Variants in CSDE1 observed in about 807,000 individuals in gnomAD.
CSDE1 encodes the protein cold shock domain-containing protein E1.
Under a neutral mutation model 89.3 loss-of-function variants are expected in CSDE1, and 17 were observed. The observed-to-expected ratio is 0.19, with a 90% CI of 0.13 to 0.29. The LOEUF (loss-of-function observed/expected upper bound fraction) is 0.29, where lower values mean the gene tolerates loss of function less well. Ranked by LOEUF, CSDE1 falls within the 10% of genes least tolerant of loss-of-function variation. CSDE1 has a pLI of 1.00. For missense variants in CSDE1, 672 were observed against 984.2 expected (o/e 0.68, Z 4.24); for synonymous variants, 322 against 332.8 (o/e 0.97, Z 0.35).
intron 5 of CSDE1, among the ~76,000 whole-genome samples, chr1:114,737,198 T>C (rs1660451496): frequency 6.6e-6 from 1 of 150,932 alleles, no homozygotes; most frequent in African/African-American, 2.4e-5. Flanking sequence ...CAGAAAAAGA[T>C]CCCCCCCACA....
At chr1:114,733,545 A>AC (rs1452430787) in intron 9 of CSDE1, among the ~76,000 whole-genome samples, 187 bp downstream of exon 9, 1 of 151,892 alleles carries the variant, frequency 6.6e-6, no homozygotes, top group Non-Finnish European at 1.5e-5. Flanking sequence ...AAAAAAAAAA[A>AC]AAAACACCAT....
intron 16 of CSDE1, among the ~76,000 whole-genome samples, chr1:114,721,904 A>T (rs1307071171): frequency 7.5e-6 from 1 of 133,682 alleles, no homozygotes; most frequent in Non-Finnish European, 1.6e-5. Flanking sequence ...TTTTTTTGAG[A>T]CGGAGTCATG....
intron 4 of CSDE1, 36 bp downstream of exon 4, chr1:114,737,927 G>A: frequency 2.2e-6 from 3 of 1,341,570 alleles, no homozygotes; most frequent in Non-Finnish European, 3.2e-6. Flanking sequence ...GCAAATGCAG[G>A]GCCCTAAAAA....
intron 2 of CSDE1, chr1:114,746,978 T>C (rs956047041): frequency 6.6e-6 from 1 of 152,226 alleles, no homozygotes; most frequent in South Asian, 2.1e-4. Context: ...CTCACTCATC[T>C]GGGGCCTCAG....
intron 12 of CSDE1, 53 bp from the exon 13 acceptor site, chr1:114,727,143 A>G: frequency 7.9e-7 from 1 of 1,262,954 alleles, no homozygotes; most frequent in Non-Finnish European, 1.2e-6. Flanking sequence ...AACAAAAACC[A>G]ATAAAAACAA....
chr1:114,717,392 GCATT>G lies in CSDE1; in HGVS notation c.*773_*776del, dbSNP rs1659243303. The G allele has an allele frequency of 6.6e-6, 1 of 151,710 alleles. No individual in the cohort carries two copies. Among genetic ancestry groups the G allele is most frequent in the African/African-American group, 2.4e-5 (1 of 40,986 alleles). 9.4% of individuals were successfully genotyped at this position (151,710 alleles called of 1,614,324 possible). ...GTGATCTAAGCAGCAGCAAGTTTGT[GCATT>G]CATTTTTTTTGTTTTTGTTTAAATA... On this transcript the variant is annotated 3_prime_UTR_variant, in exon 20 of 20. Coordinates refer to ENST00000358528, the MANE Select transcript of CSDE1 (RefSeq NM_001007553.3).
At chr1:114,727,303 A>C (rs1459042177) in intron 12 of CSDE1, among the ~76,000 whole-genome samples, 1 of 152,188 alleles carries the variant, frequency 6.6e-6, no homozygotes, top group South Asian at 2.1e-4. Flanking sequence ...TTGGTCTTTC[A>C]ATCTTAAGAA....
Position 114,734,427 on chromosome 1 carries a change from A to G in CSDE1, c.582+15T>C. On this transcript the variant is annotated intron_variant, in intron 7 of 19. Coordinates refer to ENST00000358528, the MANE Select transcript of CSDE1 (RefSeq NM_001007553.3). ...TGGCCAAAGAAAACTCAAGTTTCTC[A>G]AATTTAACACTTACCTTCATGGCAC... 5.0e-6 allele frequency: 8 copies of G among 1,606,882 alleles called. No individual in the cohort carries two copies. The highest frequency in any genetic ancestry group is 6.8e-6 in the Non-Finnish European group (8 of 1,177,326).
chr1:114,731,551 T>C (rs750869476), intron 10 of CSDE1, among the ~76,000 whole-genome samples: 1 of 152,200 alleles, frequency 6.6e-6, no homozygotes, highest in Non-Finnish European at 1.5e-5. Flanking sequence ...CACTGAGTTA[T>C]AGTGTAGATG....
intron 2 of CSDE1, among the ~76,000 whole-genome samples, chr1:114,742,069 G>A (rs1249993878): frequency 6.6e-6 from 1 of 152,124 alleles, no homozygotes; most frequent in Non-Finnish European, 1.5e-5. Context: ...ATAAAAATGA[G>A]CTTTTATAAA....
At chr1:114,737,883 G>T in intron 4 of CSDE1, 80 bp downstream of exon 4, 1 of 956,204 alleles carries the variant, frequency 1.0e-6, no homozygotes, top group Non-Finnish European at 1.7e-6. Context: ...CTGAGGAGAT[G>T]GGGAGAATCT....
intron 1 of CSDE1, among the ~76,000 whole-genome samples, chr1:114,751,702 A>C (rs1312062151): frequency 2.0e-5 from 3 of 151,936 alleles, no homozygotes; most frequent in South Asian, 4.1e-4. Flanking sequence ...TTAAAAAAAA[A>C]AAAACAAAAA....
intron 12 of CSDE1, among the ~76,000 whole-genome samples, chr1:114,729,223 C>T (rs796691192): frequency 2.0e-5 from 3 of 152,056 alleles, no homozygotes; most frequent in African/African-American, 7.2e-5. Flanking sequence ...CTCAGCCTCC[C>T]GAGTAGCTGG....
At chr1:114,725,411 AAC>A (rs1659739500) in intron 14 of CSDE1, 78 bp from the exon 15 acceptor site, 2 of 1,091,802 alleles carry the variant, frequency 1.8e-6, no homozygotes, top group Non-Finnish European at 2.8e-6. Context: ...ATTTTACAGT[AAC>A]AGTCATGGCA....
chr1:114,722,026 C>A (rs544789033), intron 16 of CSDE1, among the ~76,000 whole-genome samples: 2 of 151,892 alleles, frequency 1.3e-5, no homozygotes, highest in Non-Finnish European at 2.9e-5. Flanking sequence ...GGATTATAGG[C>A]ACCCACCATG....
At chr1:114,736,676 T>A in intron 6 of CSDE1, 82 bp downstream of exon 6, 1 of 803,972 alleles carries the variant, frequency 1.2e-6, no homozygotes, top group Non-Finnish European at 2.0e-6. Context: ...ACAAGTTAGG[T>A]TTTTAACTCT....
chr1:114,755,232 T>C (rs1570966613), intron 1 of CSDE1, among the ~76,000 whole-genome samples: 1 of 152,206 alleles, frequency 6.6e-6, no homozygotes, highest in Admixed American at 6.5e-5. Context: ...ACAGAGTAGG[T>C]ATAAACTGAG....
chr1:114,721,622 G>A (rs549964977), intron 16 of CSDE1, among the ~76,000 whole-genome samples: 4 of 152,246 alleles, frequency 2.6e-5, no homozygotes, highest in South Asian at 4.1e-4. Flanking sequence ...ACAGGGTCTC[G>A]CTCTGCTACC....
chr1:114,721,855 G>A (rs1169200708), intron 16 of CSDE1, among the ~76,000 whole-genome samples: 3 of 151,048 alleles, frequency 2.0e-5, no homozygotes, highest in Admixed American at 2.0e-4. Flanking sequence ...CGAAGTGTTG[G>A]GTTTACAGGT....
Sources: allele counts gnomAD v4.1 joint callset (sites outside exome capture counted in the v4.1 genomes callset), GRCh38; gene constraint gnomAD v4.1.1; transcripts MANE v1.5; gene names NCBI Gene and HGNC (gene_info 2026-07-23, HGNC 2026-07-21).